Variants in SPEF2 observed in about 807,000 individuals in gnomAD.
SPEF2 encodes sperm flagellar and cilia associated 2.
Under a neutral mutation model 224.6 loss-of-function variants are expected in SPEF2, and 187 were observed. The ratio of observed to expected loss-of-function variants is 0.83; its 90% CI spans 0.74 to 0.94. The LOEUF (loss-of-function observed/expected upper bound fraction) is 0.94, where lower values mean the gene tolerates loss of function less well. Ranked by LOEUF, SPEF2 falls within the 40% of genes least tolerant of loss-of-function variation. The pLI is 0.00. For synonymous variants in SPEF2, 715 were observed against 707.3 expected, an observed-to-expected ratio of 1.01 and a Z score of -0.17; for missense variants, 2,170 against 2,135.6, an observed-to-expected ratio of 1.02 and a Z score of -0.32.
rs186924731 is a variant in SPEF2 at position 35,774,104 on chromosome 5, G to T, written c.4078+83G>T. 5 of 1,515,980 alleles carry T rather than the reference G, an allele frequency of 3.3e-6. No homozygotes were observed. In the East Asian group the frequency reaches 1.1e-4, roughly 35 times the overall value. The allele number at this position is 1,515,980 out of a possible 1,614,324, so 93.9% of individuals were successfully genotyped here. A position where few individuals can be genotyped will look rare whatever the true frequency, so the allele number is the denominator to read the frequency against. On this transcript the variant is annotated intron_variant, in intron 28 of 36. Transcript: ENST00000356031. ...ACAGCCCACAACTGGCTCATCAATT[G>T]CCTCAGACCATGTCTATGAGAACAT...
At chr5:35,760,578 T>C (rs1171108192) in intron 25 of SPEF2, among the ~76,000 whole-genome samples, 4 of 152,142 alleles carry the variant, frequency 2.6e-5, no homozygotes, top group Non-Finnish European at 5.9e-5. Flanking sequence ...TAACATCAGA[T>C]TTCTGCCAGC....
intron 30 of SPEF2, chr5:35,788,989 C>T (rs781295779): frequency 4.3e-6 from 3 of 701,382 alleles, no homozygotes; most frequent in South Asian, 3.0e-5. Flanking sequence ...CCCTCCAGAA[C>T]TTTCTCAAGG....
intron 3 of SPEF2, among the ~76,000 whole-genome samples, chr5:35,642,127 C>A (rs1026151310): frequency 6.6e-6 from 1 of 152,158 alleles, no homozygotes; most frequent in African/African-American, 2.4e-5. Context: ...ACTGCAGCAA[C>A]CTGCTAAAAT....
chr5:35,733,673 T>A (rs1210673812), intron 21 of SPEF2, among the ~76,000 whole-genome samples: 1 of 152,138 alleles, frequency 6.6e-6, no homozygotes, highest in Non-Finnish European at 1.5e-5. Flanking sequence ...TGTGCTGAAG[T>A]GTTTGGACTT....
chr5:35,673,160 T>C (rs1751424753), intron 10 of SPEF2, among the ~76,000 whole-genome samples: 1 of 152,108 alleles, frequency 6.6e-6, no homozygotes, highest in Non-Finnish European at 1.5e-5. Flanking sequence ...AACATTGAGT[T>C]ATTTAGTAGA....
At chr5:35,749,218 C>T (rs1749034460) in intron 23 of SPEF2, among the ~76,000 whole-genome samples, 1 of 152,024 alleles carries the variant, frequency 6.6e-6, no homozygotes, top group African/African-American at 2.4e-5. Context: ...TAATAAAAGC[C>T]ATCTATGACA....
intron 36 of SPEF2, among the ~76,000 whole-genome samples, chr5:35,810,818 GAGTT>G (rs1758488334): frequency 6.6e-6 from 1 of 152,172 alleles, no homozygotes; most frequent in African/African-American, 2.4e-5. Context: ...TCATAGCAGA[GAGTT>G]AGTTAGTGAG....
chr5:35,629,111 T>C (rs1232650522), intron 2 of SPEF2, among the ~76,000 whole-genome samples: 2 of 151,702 alleles, frequency 1.3e-5, no homozygotes, highest in African/African-American at 4.8e-5. Context: ...ATGGGACTTA[T>C]TTACACCAGA....
intron 35 of SPEF2, 77 bp downstream of exon 35, chr5:35,807,029 T>C (rs1338743877): frequency 1.3e-6 from 2 of 1,559,152 alleles, no homozygotes; most frequent in Non-Finnish European, 1.7e-6. Context: ...AAATATATCA[T>C]AGTATGAAAT....
intron 5 of SPEF2, among the ~76,000 whole-genome samples, chr5:35,647,795 A>C (rs1422227040): frequency 6.6e-6 from 1 of 152,178 alleles, no homozygotes. Context: ...AGGAATGTTA[A>C]GTGACTTGTT....
intron 20 of SPEF2, 87 bp from the exon 21 acceptor site, chr5:35,727,588 T>A: frequency 2.6e-6 from 3 of 1,142,098 alleles, no homozygotes; most frequent in Non-Finnish European, 3.7e-6. Flanking sequence ...TCACCTGAAG[T>A]CCATGGTAAT....
chr5:35,664,851 C>A (rs968969527), intron 8 of SPEF2, among the ~76,000 whole-genome samples: 1 of 94,814 alleles, frequency 1.1e-5, no homozygotes, highest in African/African-American at 4.1e-5. Flanking sequence ...AGAGAGAAAA[C>A]GAGGGAGGAG....
chr5:35,628,401 C>A (rs1744573594), intron 1 of SPEF2, 59 bp from the exon 2 acceptor site: 4 of 1,105,750 alleles, frequency 3.6e-6, no homozygotes, highest in South Asian at 1.3e-5. Flanking sequence ...TTAAAGAGAT[C>A]ATTAGCTCTA....
At chr5:35,765,381 A>G (rs898681202) in intron 26 of SPEF2, among the ~76,000 whole-genome samples, 1 of 152,072 alleles carries the variant, frequency 6.6e-6, no homozygotes, top group Non-Finnish European at 1.5e-5. Flanking sequence ...GTCGGTATGG[A>G]TACTGCTGCT....
At chr5:35,626,409 G>A (rs1274647726) in intron 1 of SPEF2, among the ~76,000 whole-genome samples, 7 of 152,128 alleles carry the variant, frequency 4.6e-5, no homozygotes, top group Non-Finnish European at 1.0e-4. Flanking sequence ...GCCAGACTGT[G>A]GACTTTAAGA....
chr5:35,777,762 C>CT (rs1186747246), intron 29 of SPEF2, among the ~76,000 whole-genome samples: 1 of 152,058 alleles, frequency 6.6e-6, no homozygotes, highest in Non-Finnish European at 1.5e-5. Context: ...TTTCCTGGCA[C>CT]TTTTTTCCTT....
rs377415900 is a variant in SPEF2 at position 35,712,819 on chromosome 5, G to A, written c.2847G>A (p.Pro949=). 1.9e-4 allele frequency: 302 copies of A among 1,613,568 alleles called. 1 individual carries two copies. The highest frequency in any genetic ancestry group is 2.3e-4 in the Non-Finnish European group (268 of 1,179,850). The change falls in exon 20 of 37, where the codon CCG becomes CCA. Residue 949 remains proline (P), a synonymous_variant. Coordinates refer to ENST00000356031, the MANE Select transcript of SPEF2 (RefSeq NM_024867.4). ...TAKGKPQSEA[P]HGKQESLQEG... ...GTGTCGAATTTTGTTTAGAAGCCCC[G>A]CATGGTAAGCAAGAATCTCTTCAGG...
chr5:35,734,709 C>CTTT (rs869188623), intron 21 of SPEF2, among the ~76,000 whole-genome samples: 2 of 31,186 alleles, frequency 6.4e-5, no homozygotes, highest in East Asian at 1.1e-3. Flanking sequence ...TCTTTTTTTT[C>CTTT]TTTTTTTTTT....
rs756500999 is a variant in SPEF2, at chr5:35,644,551, A to T, written c.585+26A>T. 3.2e-6 allele frequency: 5 copies of T among 1,548,430 alleles called. No individual in the cohort carries two copies. The East Asian group carries it at 1.1e-4, about 35-fold the overall frequency. On this transcript the variant is annotated intron_variant, in intron 4 of 36. Transcript: ENST00000356031. ...GTTCTATAGAACTATTTTTTCAGAA[A>T]TTCATTAGTGCATAGTATACAGTTT... is the stretch of plus-strand genomic sequence containing the variant.
Sources: gnomAD v4.1 joint callset for allele counts (sites outside exome capture counted in the v4.1 genomes callset) on GRCh38, gnomAD v4.1.1 for gene constraint, MANE v1.5 for transcripts, NCBI Gene and HGNC (gene_info 2026-07-23, HGNC 2026-07-21) for gene names.